Variants in TFEC observed in about 807,000 individuals in gnomAD.
TFEC encodes class E basic helix-loop-helix protein 34.
Under a neutral mutation model 41.6 loss-of-function variants are expected in TFEC, and 31 were observed. The ratio of observed to expected loss-of-function variants is 0.74; its 90% CI spans 0.56 to 1.01. The LOEUF is 1.01. Ranked by LOEUF, TFEC falls within the 50% of genes least tolerant of loss-of-function variation. TFEC has a pLI of 0.00. For synonymous variants in TFEC, 143 were observed against 140.6 expected (o/e 1.02, Z -0.12); for missense variants, 402 against 404.1 (o/e 0.99, Z 0.04).
intron 1 of TFEC, among the ~76,000 whole-genome samples, chr7:115,985,788 T>C (rs1196293393): frequency 6.6e-6 from 1 of 152,152 alleles, no homozygotes; most frequent in African/African-American, 2.4e-5. Context: ...TTTAAAGTTG[T>C]AAAATAACAT....
chr7:116,075,364 G>A (rs76613089), intron 3 of TFEC, among the ~76,000 whole-genome samples: 5,674 of 152,258 alleles, frequency 0.037, 166 homozygotes, highest in South Asian at 0.097. Context: ...TGGAGAGAAA[G>A]CTGAGGGAAT....
chr7:116,055,254 G>A (rs1796400063), intron 3 of TFEC, among the ~76,000 whole-genome samples: 1 of 152,034 alleles, frequency 6.6e-6, no homozygotes, highest in Non-Finnish European at 1.5e-5. Flanking sequence ...ATTTAGCATT[G>A]TGTTTGAAGT....
chr7:116,071,570 T>G (rs1415889239), intron 3 of TFEC, among the ~76,000 whole-genome samples: 1 of 151,414 alleles, frequency 6.6e-6, no homozygotes, highest in Non-Finnish European at 1.5e-5. Flanking sequence ...CTACTTTTTC[T>G]AAAAAGTGTA....
chr7:116,150,558 A>G (rs1485093101), intron 1 of TFEC, among the ~76,000 whole-genome samples: 1 of 151,992 alleles, frequency 6.6e-6, no homozygotes, highest in Admixed American at 6.6e-5. Context: ...CTGCTTGACA[A>G]CCAAACCACC....
At chr7:116,072,801 A>G (rs1212118772) in intron 3 of TFEC, among the ~76,000 whole-genome samples, 1 of 151,580 alleles carries the variant, frequency 6.6e-6, no homozygotes, top group African/African-American at 2.4e-5. Context: ...ACTAGGAATC[A>G]AAGGGAACTT....
chr7:116,042,467 A>G (rs1796062010), intron 3 of TFEC, among the ~76,000 whole-genome samples: 1 of 152,172 alleles, frequency 6.6e-6, no homozygotes, highest in African/African-American at 2.4e-5. Flanking sequence ...TTAATTCTGA[A>G]TATTAAGTGT....
chr7:115,936,160 T>C lies in TFEC; in HGVS notation c.*4391A>G, dbSNP rs1793218216. 1 of 151,608 alleles carries C rather than the reference T, an allele frequency of 6.6e-6. No homozygotes were observed. The highest frequency in any genetic ancestry group is 2.1e-4 in the South Asian group (1 of 4,836). The allele number at this position is 151,608 out of a possible 1,614,324, so 9.4% of individuals were successfully genotyped here. On this transcript the variant is annotated 3_prime_UTR_variant, in exon 8 of 8. Coordinates refer to ENST00000265440, the MANE Select transcript of TFEC (RefSeq NM_012252.4). ...AAACAATAAAACATTGGAACATCAA[T>C]GCACAATGATTACAGGAGGCTCATG...
intron 1 of TFEC, among the ~76,000 whole-genome samples, chr7:116,141,225 AT>A (rs1366773637): frequency 6.6e-6 from 1 of 152,226 alleles, no homozygotes; most frequent in Non-Finnish European, 1.5e-5. Context: ...ATGATTCCAA[AT>A]TTAAATTGCG....
chr7:116,080,981 G>A (rs9942644), intron 3 of TFEC, among the ~76,000 whole-genome samples: 23,750 of 121,464 alleles, frequency 0.2, 1,907 homozygotes, highest in East Asian at 0.34. Flanking sequence ...AATGTAGTGT[G>A]TGTGTGTGTG....
At chr7:115,975,520 T>C (rs1023734076) in intron 2 of TFEC, among the ~76,000 whole-genome samples, 2 of 152,178 alleles carry the variant, frequency 1.3e-5, no homozygotes, top group African/African-American at 4.8e-5. Flanking sequence ...TGGAACACTA[T>C]TCATATCTTA....
chr7:115,942,851 T>C (rs1793574363), intron 6 of TFEC, among the ~76,000 whole-genome samples: 1 of 152,038 alleles, frequency 6.6e-6, no homozygotes, highest in South Asian at 2.1e-4. Flanking sequence ...AATGTAATAC[T>C]GCATGAGAAC....
At chr7:116,141,114 CTAAG>C (rs1436887730) in intron 1 of TFEC, among the ~76,000 whole-genome samples, 2 of 151,886 alleles carry the variant, frequency 1.3e-5, no homozygotes, top group South Asian at 2.1e-4. Flanking sequence ...ATAAGGCATG[CTAAG>C]TAAGTAAGTG....
intron 3 of TFEC, among the ~76,000 whole-genome samples, chr7:116,041,083 A>C (rs1221333179): frequency 6.6e-6 from 1 of 152,162 alleles, no homozygotes; most frequent in African/African-American, 2.4e-5. Flanking sequence ...GGATCGGTTA[A>C]AAGTTTGCTA....
intron 2 of TFEC, among the ~76,000 whole-genome samples, chr7:115,976,673 G>C (rs565924739): frequency 1.3e-4 from 20 of 152,214 alleles, no homozygotes; most frequent in African/African-American, 4.8e-4. Context: ...TTTTTATTTT[G>C]TGATATTTTA....
intron 1 of TFEC, among the ~76,000 whole-genome samples, chr7:116,009,061 G>C (rs187701674): frequency 6.6e-6 from 1 of 152,234 alleles, no homozygotes; most frequent in Admixed American, 6.5e-5. Context: ...TCTTGCACTT[G>C]ACGAACACTT....
chr7:116,074,225 TAC>T (rs1223119545), intron 3 of TFEC, among the ~76,000 whole-genome samples: 3 of 150,682 alleles, frequency 2.0e-5, no homozygotes, highest in Non-Finnish European at 1.5e-5. Flanking sequence ...TGTGCATGCA[TAC>T]ACACACACAC....
At chr7:116,139,365 G>A (rs904925929) in intron 1 of TFEC, among the ~76,000 whole-genome samples, 1 of 151,988 alleles carries the variant, frequency 6.6e-6, no homozygotes, top group Non-Finnish European at 1.5e-5. Flanking sequence ...ACTCCATCCC[G>A]CACAGTGTCA....
At chr7:116,089,743 G>A (rs1305928510) in intron 3 of TFEC, among the ~76,000 whole-genome samples, 1 of 152,124 alleles carries the variant, frequency 6.6e-6, no homozygotes, top group Non-Finnish European at 1.5e-5. Flanking sequence ...TATCTCTGGA[G>A]AAATACTATT....
intron 1 of TFEC, among the ~76,000 whole-genome samples, chr7:116,130,618 T>G (rs1182373188): frequency 6.6e-6 from 1 of 152,160 alleles, no homozygotes; most frequent in Non-Finnish European, 1.5e-5. Flanking sequence ...ATTTCTTTTT[T>G]GGGGTAGAGT....
Sources: allele counts gnomAD v4.1 joint callset (sites outside exome capture counted in the v4.1 genomes callset), GRCh38; gene constraint gnomAD v4.1.1; transcripts MANE v1.5; gene names NCBI Gene and HGNC (gene_info 2026-07-23, HGNC 2026-07-21).